Variants in SCN9A observed in about 807,000 individuals in gnomAD.
SCN9A encodes sodium channel protein type 9 subunit alpha.
In SCN9A, 131 loss-of-function variants were observed where a neutral mutation model predicts 187.0. The ratio of observed to expected loss-of-function variants is 0.70; its 90% confidence interval spans 0.61 to 0.81. The LOEUF (loss-of-function observed/expected upper bound fraction) is 0.81, where lower values mean the gene tolerates loss of function less well. SCN9A is among the 30% of genes least tolerant of loss of function. SCN9A has a pLI of 0.00. For synonymous variants in SCN9A, 809 were observed against 808.6 expected (o/e 1.00, Z -0.01); for missense variants, 2,252 against 2,396.6 (o/e 0.94, Z 1.26).
intron 26 of SCN9A, among the ~76,000 whole-genome samples, chr2:166,203,609 T>C (rs1693649433): frequency 6.6e-6 from 1 of 151,930 alleles, no homozygotes; most frequent in South Asian, 2.1e-4. Flanking sequence ...TCACATGTGC[T>C]AAAACCAGAA....
intron 21 of SCN9A, among the ~76,000 whole-genome samples, chr2:166,232,758 G>T (rs942451314): frequency 1.6e-3 from 192 of 119,756 alleles, no homozygotes; most frequent in African/African-American, 4.6e-3. Context: ...TATATAGAGA[G>T]AGAGAGAGTA....
At chr2:166,295,683 A>G (rs942359242) in intron 7 of SCN9A, among the ~76,000 whole-genome samples, 2 of 152,210 alleles carry the variant, frequency 1.3e-5, no homozygotes, top group African/African-American at 4.8e-5. Flanking sequence ...CAGACTCAGT[A>G]AGGCAGTAAC....
At chr2:166,319,208 A>C (rs1408692328) in intron 1 of SCN9A, among the ~76,000 whole-genome samples, 1 of 152,112 alleles carries the variant, frequency 6.6e-6, no homozygotes, top group Non-Finnish European at 1.5e-5. Context: ...GATGAGAGAA[A>C]ATATTTTGAA....
chr2:166,204,595 T>C, intron 24 of SCN9A, 131 bp from the exon 25 acceptor site: 1 of 504,682 alleles, frequency 2.0e-6, no homozygotes, highest in Non-Finnish European at 3.4e-6. Flanking sequence ...TCATGATAGC[T>C]ATACATAAAA....
intron 1 of SCN9A, among the ~76,000 whole-genome samples, chr2:166,357,312 A>T (rs1700173222): frequency 6.6e-6 from 1 of 152,224 alleles, no homozygotes; most frequent in Non-Finnish European, 1.5e-5. Context: ...TGCCATAATA[A>T]AATATTGCCG....
chr2:166,243,476 G>T (rs895015996), intron 18 of SCN9A, among the ~76,000 whole-genome samples: 7 of 152,028 alleles, frequency 4.6e-5, no homozygotes, highest in African/African-American at 1.7e-4. Flanking sequence ...TAGCATGGAA[G>T]AAATCAATCT....
In SCN9A at chr2:166,293,348, A is replaced by G. The variant is rs1384436013; in HGVS notation, c.990T>C (p.Cys330=). The change falls in exon 9 of 27, where the codon TGT becomes TGC. Residue 330 remains cysteine, a synonymous_variant. Coordinates refer to ENST00000642356, the MANE Select transcript of SCN9A (RefSeq NM_001365536.1). ...DSGQCPEGYT[C]VKIGRNPDYG... Reference sequence around the variant, plus strand: ...AATCAGGGTTTCTGCCAATTTTCACACAGGTGTACCCCTCTGGACACTGAC... The same window carrying G: ...AATCAGGGTTTCTGCCAATTTTCACGCAGGTGTACCCCTCTGGACACTGAC... 25 of 1,609,718 alleles carry G rather than the reference A, an allele frequency of 1.6e-5. No homozygotes were observed. Among genetic ancestry groups the G allele is most frequent in the Non-Finnish European group, 2.0e-5 (23 of 1,177,938 alleles).
chr2:166,208,550 T>A (rs1693928624), intron 24 of SCN9A, among the ~76,000 whole-genome samples: 1 of 99,106 alleles, frequency 1.0e-5, no homozygotes, highest in African/African-American at 3.9e-5. Context: ...TTGTATATCA[T>A]GTAATCTTCC....
At position 166,226,651 on chromosome 2, in the gene SCN9A, G is replaced by A. The variant is rs188336294; in HGVS notation, c.4314C>T (p.Val1438=). ...AGAATGACCCAAAGATGATAAAGAC[G>A]ACAAAATAAATATACATGTAGAGGC... ...EYSLYMYIYF[V]VFIIFGSFFT... Residue 1438 remains valine (V), a synonymous_variant, in exon 24 of 27, where the codon GTC becomes GTT. Transcript: ENST00000642356. The A allele has an allele frequency of 1.5e-3, 2,343 of 1,589,516 alleles. 5 individuals are homozygous for A. The highest frequency in any genetic ancestry group is 1.9e-3 in the Admixed American group (109 of 57,622).
At chr2:166,322,698 T>C (rs534488673) in intron 1 of SCN9A, among the ~76,000 whole-genome samples, 97 of 152,286 alleles carry the variant, frequency 6.4e-4, no homozygotes, top group Non-Finnish European at 1.2e-3. Flanking sequence ...TGAGGATATT[T>C]CCATTTATGG....
chr2:166,261,222 T>G (rs577272966), intron 17 of SCN9A, among the ~76,000 whole-genome samples: 223 of 152,034 alleles, frequency 1.5e-3, no homozygotes, highest in Non-Finnish European at 2.8e-3. Flanking sequence ...GTTAATACCT[T>G]CCAAGGTATC....
chr2:166,335,774 G>A (rs575600523), intron 1 of SCN9A, among the ~76,000 whole-genome samples: 4 of 152,212 alleles, frequency 2.6e-5, no homozygotes, highest in Non-Finnish European at 5.9e-5. Context: ...GATTTTCAGA[G>A]CCTGTGTACT....
chr2:166,223,243 G>C (rs963658020), intron 24 of SCN9A, among the ~76,000 whole-genome samples: 1 of 152,150 alleles, frequency 6.6e-6, no homozygotes, highest in Admixed American at 6.5e-5. Context: ...CAGGATCTCA[G>C]AGTCCTTACT....
chr2:166,239,890 AC>A (rs1695491729), intron 19 of SCN9A, among the ~76,000 whole-genome samples: 1 of 152,148 alleles, frequency 6.6e-6, no homozygotes, highest in Admixed American at 6.5e-5. Context: ...AGCTTCCAGA[AC>A]CAATTTTGTG....
chr2:166,323,992 C>T (rs1236146476), intron 1 of SCN9A, among the ~76,000 whole-genome samples: 1 of 150,512 alleles, frequency 6.6e-6, no homozygotes, highest in Non-Finnish European at 1.5e-5. Flanking sequence ...AGGAAAATAG[C>T]TACACGCTCA....
chr2:166,347,095 T>C (rs1699918206), intron 1 of SCN9A, among the ~76,000 whole-genome samples: 1 of 152,182 alleles, frequency 6.6e-6, no homozygotes, highest in Admixed American at 6.5e-5. Context: ...GTTATTACAG[T>C]GATGCTGAAC....
chr2:166,286,614 C>T lies in SCN9A; in HGVS notation c.1324G>A (p.Ala442Thr), dbSNP rs770771659. 19 of 1,543,526 alleles carry T rather than the reference C, an allele frequency of 1.2e-5. No homozygotes were observed. The East Asian group carries it at 4.1e-4, about 33-fold the overall frequency. Residue 442 changes from alanine to threonine, a missense_variant, in exon 11 of 27, where the codon GCG (alanine) becomes ACG (threonine). Physicochemically the swap from Ala to Thr is moderately conservative, Grantham distance 58. Around this residue, in one of 7 missense-constraint regions of SCN9A, gnomAD observed 1,013 missense variants for 997.4 expected, o/e 1.02. Transcript: ENST00000642356. ...KEQEEAEAIA[A>T]AAAEYTSIRR... ...ATACTTGTATATTCAGCCGCTGCCG[C>T]TGCAATTGCCTGGTTGGGCCAAGAC...
intron 1 of SCN9A, among the ~76,000 whole-genome samples, chr2:166,324,360 T>C (rs1383673436): frequency 6.6e-6 from 1 of 152,096 alleles, no homozygotes; most frequent in Non-Finnish European, 1.5e-5. Flanking sequence ...TGCCAAAATC[T>C]GAATGAGATT....
chr2:166,284,609 AC>A lies in SCN9A; in HGVS notation c.1817del (p.Ser606IlefsTer9). The A allele has an allele frequency of 6.2e-7, 1 of 1,614,018 alleles. No homozygotes were observed. Among genetic ancestry groups the A allele is most frequent in the Non-Finnish European group, 8.5e-7 (1 of 1,179,896 alleles). ...ERRSSNISQA[S>X]RSPPMLPVNG... is the part of the protein sequence containing the mutation. Reference sequence around the variant, plus strand: ...TCACCGGCAGCATTGGTGGGGACCTACTGGCTTGGCTGATGTTACTGCTGCG... The same window carrying A: ...TCACCGGCAGCATTGGTGGGGACCTATGGCTTGGCTGATGTTACTGCTGCG... On this transcript the variant is annotated frameshift_variant, in exon 12 of 27. Coordinates refer to ENST00000642356, the MANE Select transcript of SCN9A (RefSeq NM_001365536.1). LOFTEE classifies it high-confidence loss of function.
Sources: gnomAD v4.1 joint callset for allele counts (sites outside exome capture counted in the v4.1 genomes callset) on GRCh38, gnomAD v4.1.1 for gene constraint, gnomAD v4.1.1 regional missense constraint, MANE v1.5 for transcripts, NCBI Gene and HGNC (gene_info 2026-07-23, HGNC 2026-07-21) for gene names.